Variants in GPR137C observed in about 807,000 individuals in gnomAD.
GPR137C encodes the protein integral membrane protein GPR137C.
A neutral mutation model predicts 43.4 loss-of-function variants in GPR137C; 27 were observed. The observed-to-expected ratio is 0.62, with a 90% confidence interval of 0.46 to 0.86. The LOEUF (loss-of-function observed/expected upper bound fraction) is 0.86. Ranked by LOEUF, GPR137C falls within the 40% of genes least tolerant of loss-of-function variation. The pLI is 0.00. For synonymous variants in GPR137C, 285 were observed against 226.9 expected (o/e 1.26, Z -2.30); for missense variants, 522 against 534.6 (o/e 0.98, Z 0.23).
chr14:52,589,454 A>G (rs2139502722), intron 1 of GPR137C, among the ~76,000 whole-genome samples: 1 of 152,328 alleles, frequency 6.6e-6, no homozygotes, highest in South Asian at 2.1e-4. Flanking sequence ...AAAGTGATCA[A>G]ATGAACAGTT....
At chr14:52,602,140 T>G (rs1274863472) in intron 3 of GPR137C, among the ~76,000 whole-genome samples, 1 of 151,572 alleles carries the variant, frequency 6.6e-6, no homozygotes, top group Non-Finnish European at 1.5e-5. Context: ...AACTAGATTA[T>G]AAACTTCTGT....
intron 1 of GPR137C, 83 bp downstream of exon 1, chr14:52,553,674 CG>C (rs934741542): frequency 7.7e-5 from 69 of 900,700 alleles, no homozygotes; most frequent in Admixed American, 1.7e-4. Context: ...CCAGCGGGGG[CG>C]GGGGGTGGGC....
At chr14:52,592,230 T>C (rs771762496) in intron 1 of GPR137C, among the ~76,000 whole-genome samples, 1 of 152,208 alleles carries the variant, frequency 6.6e-6, no homozygotes, top group Non-Finnish European at 1.5e-5. Context: ...TACTGTAGCC[T>C]TATAGTATAG....
chr14:52,573,639 A>G (rs1423500411), intron 1 of GPR137C, among the ~76,000 whole-genome samples: 2 of 152,180 alleles, frequency 1.3e-5, no homozygotes, highest in African/African-American at 2.4e-5. Flanking sequence ...AACCTAGGCA[A>G]TACCATTCAG....
intron 1 of GPR137C, among the ~76,000 whole-genome samples, chr14:52,570,366 C>A (rs2038446661): frequency 6.6e-6 from 1 of 152,126 alleles, no homozygotes; most frequent in African/African-American, 2.4e-5. Context: ...TGGAAAGGAA[C>A]AACCGGTAGC....
At chr14:52,556,714 T>C (rs1444895539) in intron 1 of GPR137C, among the ~76,000 whole-genome samples, 3 of 152,072 alleles carry the variant, frequency 2.0e-5, no homozygotes, top group Non-Finnish European at 4.4e-5. Flanking sequence ...ATTGAAGGAC[T>C]TAAAAGGAGA....
At chr14:52,632,837 C>T (rs541012376) in intron 4 of GPR137C, among the ~76,000 whole-genome samples, 2 of 152,204 alleles carry the variant, frequency 1.3e-5, no homozygotes, top group South Asian at 4.1e-4. Context: ...ATTCCCAGTA[C>T]TCTAACTACG....
chr14:52,623,062 C>G (rs2039178454), intron 3 of GPR137C, among the ~76,000 whole-genome samples: 1 of 152,034 alleles, frequency 6.6e-6, no homozygotes, highest in African/African-American at 2.4e-5. Flanking sequence ...TTATTCAACA[C>G]TTTGATTATT....
chr14:52,631,030 G>C (rs914102494), intron 3 of GPR137C, among the ~76,000 whole-genome samples: 6 of 152,102 alleles, frequency 3.9e-5, no homozygotes, highest in African/African-American at 1.2e-4. Flanking sequence ...TGAAATATTT[G>C]AACAACTGAT....
At chr14:52,564,453 G>C (rs748892361) in intron 1 of GPR137C, among the ~76,000 whole-genome samples, 3 of 151,848 alleles carry the variant, frequency 2.0e-5, no homozygotes, top group Admixed American at 6.6e-5. Flanking sequence ...TCCTCTACTT[G>C]CCATATTCCT....
intron 1 of GPR137C, among the ~76,000 whole-genome samples, chr14:52,566,624 A>C (rs2038374236): frequency 6.6e-6 from 1 of 152,252 alleles, no homozygotes. Flanking sequence ...GAGCATATAT[A>C]CTTGGCAGTA....
intron 3 of GPR137C, chr14:52,612,177 T>C (rs2039045437): frequency 1.0e-6 from 1 of 982,474 alleles, no homozygotes; most frequent in Non-Finnish European, 1.2e-6. Context: ...TATGAAAGAA[T>C]ATGATTTCTT....
intron 1 of GPR137C, among the ~76,000 whole-genome samples, chr14:52,577,695 G>A (rs2139476398): frequency 6.6e-6 from 1 of 151,384 alleles, no homozygotes; most frequent in African/African-American, 2.4e-5. Context: ...GGGTGCAGTG[G>A]CTCAAGCATG....
chr14:52,632,964 T>A (rs1449663109), intron 4 of GPR137C, among the ~76,000 whole-genome samples: 16 of 152,148 alleles, frequency 1.1e-4, no homozygotes, highest in Admixed American at 1.0e-3. Context: ...CCGGGAATAC[T>A]ATTTTTCATT....
chr14:52,568,164 C>A (rs1297044671), intron 1 of GPR137C, among the ~76,000 whole-genome samples: 1 of 152,096 alleles, frequency 6.6e-6, no homozygotes, highest in African/African-American at 2.4e-5. Flanking sequence ...TGAGCAGAAG[C>A]AGGGTGGGGC....
chr14:52,612,839 T>G (rs1168341881), intron 3 of GPR137C: 2 of 152,146 alleles, frequency 1.3e-5, no homozygotes, highest in East Asian at 3.9e-4. Flanking sequence ...GTACTGGGAT[T>G]ACAAGCATGA....
chr14:52,591,738 T>C (rs1210437235), intron 1 of GPR137C, among the ~76,000 whole-genome samples: 1 of 152,220 alleles, frequency 6.6e-6, no homozygotes, highest in Non-Finnish European at 1.5e-5. Flanking sequence ...CTTTGTCAGA[T>C]GGGTAGATTA....
chr14:52,606,125 GTTC>G (rs2038981125), intron 3 of GPR137C, among the ~76,000 whole-genome samples: 1 of 152,156 alleles, frequency 6.6e-6, no homozygotes, highest in South Asian at 2.1e-4. Flanking sequence ...ATTGGTATTA[GTTC>G]TTCTTTAAAC....
chr14:52,585,522 C>T (rs1172823226), intron 1 of GPR137C, among the ~76,000 whole-genome samples: 1 of 152,184 alleles, frequency 6.6e-6, no homozygotes, highest in Non-Finnish European at 1.5e-5. Flanking sequence ...AACAGATTAG[C>T]CTGCTGTTGT....
Sources: allele counts gnomAD v4.1 joint callset (sites outside exome capture counted in the v4.1 genomes callset), GRCh38; gene constraint gnomAD v4.1.1; transcripts MANE v1.5; gene names NCBI Gene and HGNC (gene_info 2026-07-23, HGNC 2026-07-21).